SMG6: variants seen among roughly 807,000 people sequenced by gnomAD.
The protein encoded by SMG6 is SMG6 nonsense mediated mRNA decay factor.
A neutral mutation model predicts 142.2 loss-of-function variants in SMG6; 66 were observed. The ratio of observed to expected loss-of-function variants is 0.46; its 90% CI spans 0.38 to 0.57. The LOEUF is 0.57. SMG6 is among the 20% of genes least tolerant of loss of function. The probability of loss-of-function intolerance (pLI) is 0.00; values close to 1 mark genes in which losing one functional copy is unlikely to be tolerated. For missense variants in SMG6, 1,793 were observed against 1,832.0 expected (o/e 0.98, Z 0.39); for synonymous variants, 779 against 702.4 (o/e 1.11, Z -1.72).
chr17:2,092,013 C>CT (rs2068740227), intron 13 of SMG6, among the ~76,000 whole-genome samples: 1 of 149,628 alleles, frequency 6.7e-6, no homozygotes, highest in African/African-American at 2.5e-5. Context: ...GAGACAGAGT[C>CT]TTGCTCAGTC....
At chr17:2,138,806 G>A (rs1341529250) in intron 13 of SMG6, among the ~76,000 whole-genome samples, 1 of 152,230 alleles carries the variant, frequency 6.6e-6, no homozygotes, top group African/African-American at 2.4e-5. Context: ...ATTACTGTAT[G>A]TAGCCTCTTG....
intron 13 of SMG6, among the ~76,000 whole-genome samples, chr17:2,168,937 G>A (rs570349479): frequency 6.6e-5 from 10 of 151,656 alleles, no homozygotes; most frequent in South Asian, 2.1e-4. Flanking sequence ...TAGTAGAGAC[G>A]GGGTTTCACA....
chr17:2,173,414 CACAA>C (rs1000567120), intron 12 of SMG6, among the ~76,000 whole-genome samples: 2 of 152,222 alleles, frequency 1.3e-5, no homozygotes, highest in East Asian at 1.9e-4. Context: ...CAACCAATCA[CACAA>C]ACAAACAAAA....
At chr17:2,154,438 T>C (rs866563730) in intron 13 of SMG6, among the ~76,000 whole-genome samples, 1 of 152,124 alleles carries the variant, frequency 6.6e-6, no homozygotes, top group Non-Finnish European at 1.5e-5. Flanking sequence ...CAGACAAAGA[T>C]TTATGTTGGA....
At chr17:2,081,723 T>G (rs1350009367) in intron 15 of SMG6, 87 bp downstream of exon 15, 148 of 1,483,898 alleles carry the variant, frequency 1.0e-4, no homozygotes, top group Non-Finnish European at 1.4e-4. Context: ...CTTAGTGTCC[T>G]GCTCAGCTCT....
At chr17:2,244,604 A>C (rs889921398) in intron 9 of SMG6, 54 bp downstream of exon 9, 63 of 1,448,300 alleles carry the variant, frequency 4.3e-5, no homozygotes, top group Non-Finnish European at 2.9e-6. Flanking sequence ...ACAATATTAA[A>C]TTCCAAAATG....
intron 10 of SMG6, among the ~76,000 whole-genome samples, chr17:2,216,461 T>C (rs2073023437): frequency 6.6e-6 from 1 of 152,192 alleles, no homozygotes; most frequent in Non-Finnish European, 1.5e-5. Context: ...TTCATCATCA[T>C]GGAAGTCTTA....
intron 8 of SMG6, among the ~76,000 whole-genome samples, chr17:2,268,970 C>T (rs12450182): frequency 0.021 from 3,072 of 149,824 alleles, 168 homozygotes; most frequent in Admixed American, 0.11. Flanking sequence ...TTTGGGAGGC[C>T]GAGGCGGGCA....
chr17:2,269,472 A>G (rs75062617), intron 8 of SMG6, among the ~76,000 whole-genome samples: 1 of 145,146 alleles, frequency 6.9e-6, no homozygotes, highest in Admixed American at 7.0e-5. Flanking sequence ...AAAAAAAAAA[A>G]TAGCCCTCAA....
At chr17:2,214,957 G>A (rs1263224494) in intron 10 of SMG6, among the ~76,000 whole-genome samples, 4 of 152,134 alleles carry the variant, frequency 2.6e-5, no homozygotes, top group African/African-American at 7.2e-5. Context: ...CTAAAGAACT[G>A]AGGAATGCTC....
intron 9 of SMG6, 197 bp from the exon 10 acceptor site, chr17:2,236,834 A>G: frequency 7.7e-7 from 1 of 1,294,438 alleles, no homozygotes. Flanking sequence ...AATTCAAGAT[A>G]AAGGAGTTTT....
At chr17:2,109,566 T>A (rs1158966680) in intron 13 of SMG6, among the ~76,000 whole-genome samples, 7 of 152,146 alleles carry the variant, frequency 4.6e-5, no homozygotes, top group Non-Finnish European at 8.8e-5. Context: ...GCATGGCCTT[T>A]CTCATTCTTT....
At chr17:2,246,764 G>A (rs891167096) in intron 8 of SMG6, among the ~76,000 whole-genome samples, 2 of 152,050 alleles carry the variant, frequency 1.3e-5, no homozygotes, top group Non-Finnish European at 2.9e-5. Context: ...TGGCCAACAC[G>A]GTGAAACCCC....
chr17:2,117,149 C>T (rs2760741), intron 13 of SMG6, among the ~76,000 whole-genome samples: 53,306 of 150,134 alleles, frequency 0.36, 10,127 homozygotes, highest in African/African-American at 0.49. Context: ...GTGTGTAGTG[C>T]AGTAGCGTGA....
chr17:2,175,313 C>A (rs1327333696), intron 12 of SMG6, among the ~76,000 whole-genome samples: 1 of 152,172 alleles, frequency 6.6e-6, no homozygotes, highest in East Asian at 1.9e-4. Flanking sequence ...CAGGTCAAGG[C>A]TGCTGCAGGA....
intron 10 of SMG6, among the ~76,000 whole-genome samples, chr17:2,214,912 T>A (rs1426222318): frequency 1.3e-5 from 2 of 151,914 alleles, no homozygotes; most frequent in Non-Finnish European, 2.9e-5. Context: ...GGCAGAGGGG[T>A]CTGTGGTTAC....
At chr17:2,275,584 A>C (rs2074631328) in intron 8 of SMG6, among the ~76,000 whole-genome samples, 1 of 152,140 alleles carries the variant, frequency 6.6e-6, no homozygotes, top group Non-Finnish European at 1.5e-5. Flanking sequence ...TCTATCAGAG[A>C]CCCTTGCTTT....
At chr17:2,081,977 C>G in intron 14 of SMG6, 21 bp from the exon 15 acceptor site, 2 of 1,613,868 alleles carry the variant, frequency 1.2e-6, no homozygotes, top group African/African-American at 1.3e-5. Context: ...TGGAGCCGAC[C>G]AGGACAAAGA....
chr17:2,271,116 G>GTTT (rs542881081), intron 8 of SMG6, among the ~76,000 whole-genome samples: 2 of 132,222 alleles, frequency 1.5e-5, no homozygotes, highest in Admixed American at 7.6e-5. Context: ...TTTTTTTCTG[G>GTTT]TTTTTTTTTT....
Sources: gnomAD v4.1 joint callset for allele counts (sites outside exome capture counted in the v4.1 genomes callset) on GRCh38, gnomAD v4.1.1 for gene constraint, MANE v1.5 for transcripts, NCBI Gene and HGNC (gene_info 2026-07-23, HGNC 2026-07-21) for gene names.